The following XKR4 variants were observed in gnomAD, a reference collection of about 807,000 sequenced individuals.
XKR4 encodes the protein XK-related protein 4.
In XKR4, 12 loss-of-function variants were observed where a neutral mutation model predicts 53.9. That is an observed-to-expected ratio of 0.22 (90% CI 0.14 to 0.36). XKR4 has a LOEUF of 0.36. XKR4 is among the 10% of genes least tolerant of loss of function. The pLI is 1.00. For missense variants in XKR4, 799 were observed against 859.5 expected, an observed-to-expected ratio of 0.93 and a Z score of 0.88; for synonymous variants, 354 against 362.4, an observed-to-expected ratio of 0.98 and a Z score of 0.26.
chr8:55,423,375 G>T (rs945218192), intron 2 of XKR4, among the ~76,000 whole-genome samples: 2 of 152,078 alleles, frequency 1.3e-5, no homozygotes, highest in African/African-American at 2.4e-5. Flanking sequence ...GATTATAGGC[G>T]TGAGCCACCG....
chr8:55,225,164 A>T (rs916654390), intron 1 of XKR4, among the ~76,000 whole-genome samples: 1 of 152,240 alleles, frequency 6.6e-6, no homozygotes, highest in Non-Finnish European at 1.5e-5. Context: ...ATGACTATGC[A>T]TAATCCCGAT....
intron 2 of XKR4, among the ~76,000 whole-genome samples, chr8:55,498,579 G>A (rs966946841): frequency 2.6e-5 from 4 of 152,068 alleles, no homozygotes; most frequent in African/African-American, 9.7e-5. Flanking sequence ...CAGAATTTTG[G>A]ACCAGCCTGG....
chr8:55,339,658 G>A (rs564392523), intron 1 of XKR4, among the ~76,000 whole-genome samples: 1 of 152,132 alleles, frequency 6.6e-6, no homozygotes, highest in Non-Finnish European at 1.5e-5. Flanking sequence ...TAAAACAGGA[G>A]GACGTAGGCA....
At chr8:55,500,122 C>A (rs151276554) in intron 2 of XKR4, among the ~76,000 whole-genome samples, 265 of 144,432 alleles carry the variant, frequency 1.8e-3, no homozygotes, top group African/African-American at 6.7e-3. Context: ...AGGAAGGGCA[C>A]GATGAGGAGC....
intron 1 of XKR4, among the ~76,000 whole-genome samples, chr8:55,196,460 G>T (rs564624733): frequency 6.6e-6 from 1 of 152,298 alleles, no homozygotes; most frequent in East Asian, 1.9e-4. Context: ...TGGGATTACA[G>T]GCATGAGCCA....
At chr8:55,319,980 T>C (rs1450337769) in intron 1 of XKR4, among the ~76,000 whole-genome samples, 2 of 152,248 alleles carry the variant, frequency 1.3e-5, no homozygotes, top group Non-Finnish European at 2.9e-5. Flanking sequence ...GTAGCCGTTA[T>C]GTCTTTCTCT....
intron 1 of XKR4, among the ~76,000 whole-genome samples, chr8:55,132,265 C>T (rs1329895808): frequency 6.6e-6 from 1 of 152,192 alleles, no homozygotes; most frequent in Non-Finnish European, 1.5e-5. Context: ...AAGGGGCCTG[C>T]CCACTATCAT....
chr8:55,161,760 A>G (rs1563471890), intron 1 of XKR4: 2 of 377,192 alleles, frequency 5.3e-6, no homozygotes, highest in Non-Finnish European at 5.3e-6. Context: ...ATTCATCACT[A>G]AATTCTTTTC....
intron 2 of XKR4, among the ~76,000 whole-genome samples, chr8:55,409,516 T>A (rs1804744213): frequency 6.6e-6 from 1 of 152,110 alleles, no homozygotes; most frequent in East Asian, 1.9e-4. Flanking sequence ...TCAACAAGCG[T>A]AGAGACTGAA....
At chr8:55,351,099 A>C (rs1028695688) in intron 1 of XKR4, among the ~76,000 whole-genome samples, 5 of 152,174 alleles carry the variant, frequency 3.3e-5, no homozygotes, top group African/African-American at 1.2e-4. Context: ...TGATGTTTGC[A>C]CAGCAATGTG....
intron 2 of XKR4, among the ~76,000 whole-genome samples, chr8:55,478,968 A>C (rs780932300): frequency 6.6e-6 from 1 of 152,104 alleles, no homozygotes; most frequent in Non-Finnish European, 1.5e-5. Flanking sequence ...TTAACACCCC[A>C]CTGTCAACAT....
chr8:55,161,307 GA>G (rs199727040), intron 1 of XKR4, among the ~76,000 whole-genome samples: 3 of 151,720 alleles, frequency 2.0e-5, no homozygotes, highest in Non-Finnish European at 2.9e-5. Flanking sequence ...ATCTTTCCCA[GA>G]AAAAAAAGAG....
At chr8:55,450,624 G>T (rs1805423726) in intron 2 of XKR4, 1 of 666,538 alleles carries the variant, frequency 1.5e-6, no homozygotes, top group South Asian at 1.5e-5. Flanking sequence ...AGGTGGAGCT[G>T]GTGTAGGCAG....
chr8:55,391,574 T>A (rs1051509713), intron 2 of XKR4, among the ~76,000 whole-genome samples: 2 of 152,164 alleles, frequency 1.3e-5, no homozygotes, highest in Non-Finnish European at 2.9e-5. Flanking sequence ...CACATTCTTA[T>A]GTTTGCAAAA....
Position 55,527,244 on chromosome 8 carries a change from A to G in XKR4, c.*3017A>G, listed in dbSNP as rs1033647663. The G allele has an allele frequency of 3.9e-5, 6 of 152,182 alleles. No individual in the cohort carries two copies. The highest frequency in any genetic ancestry group is 8.8e-5 in the Non-Finnish European group (6 of 68,020). The allele number at this position is 152,182 out of a possible 1,614,324, so 9.4% of individuals were successfully genotyped here. On this transcript the variant is annotated 3_prime_UTR_variant, in exon 3 of 3. Coordinates refer to ENST00000327381, the MANE Select transcript of XKR4 (RefSeq NM_052898.2). ...TTTGTATTTATATTTTAATTCTAACATTTCCTTTTCAATCTGCCATTAAAC... is the reference window on the plus strand; with the variant it reads ...TTTGTATTTATATTTTAATTCTAACGTTTCCTTTTCAATCTGCCATTAAAC...
intron 1 of XKR4, among the ~76,000 whole-genome samples, chr8:55,219,777 C>T (rs936209816): frequency 3.3e-5 from 5 of 152,076 alleles, no homozygotes; most frequent in African/African-American, 1.2e-4. Flanking sequence ...TTTACTCTTC[C>T]CTTTGCTTTG....
At chr8:55,272,068 A>G (rs2129372670) in intron 1 of XKR4, among the ~76,000 whole-genome samples, 1 of 152,332 alleles carries the variant, frequency 6.6e-6, no homozygotes, top group African/African-American at 2.4e-5. Flanking sequence ...TGGTGGTGGC[A>G]GTGGATGGTG....
At chr8:55,414,706 A>G (rs1804820802) in intron 2 of XKR4, among the ~76,000 whole-genome samples, 1 of 151,958 alleles carries the variant, frequency 6.6e-6, no homozygotes, top group Non-Finnish European at 1.5e-5. Flanking sequence ...GACCACATAT[A>G]CGTTATTTTT....
intron 2 of XKR4, among the ~76,000 whole-genome samples, chr8:55,359,348 G>T (rs1450175651): frequency 2.0e-5 from 3 of 152,186 alleles, no homozygotes; most frequent in African/African-American, 7.2e-5. Context: ...CAAATGTAAA[G>T]GTCGCAAGTT....
Sources: gnomAD v4.1 joint callset for allele counts (sites outside exome capture counted in the v4.1 genomes callset) on GRCh38, gnomAD v4.1.1 for gene constraint, MANE v1.5 for transcripts, NCBI Gene and HGNC (gene_info 2026-07-23, HGNC 2026-07-21) for gene names.